The following TSHZ2 variants were observed in gnomAD, a reference collection of about 807,000 sequenced individuals.
The protein encoded by TSHZ2 is teashirt zinc finger homeobox 2, also known as teashirt homolog 2.
A neutral mutation model predicts 74.4 loss-of-function variants in TSHZ2; 21 were observed. That is an observed-to-expected ratio of 0.28 (90% CI 0.20 to 0.41). The LOEUF (loss-of-function observed/expected upper bound fraction) is 0.41. Ranked by LOEUF, TSHZ2 falls within the 10% of genes least tolerant of loss-of-function variation. The probability of loss-of-function intolerance (pLI) is 1.00; values close to 1 mark genes in which losing one functional copy is unlikely to be tolerated. For missense variants in TSHZ2, 1,244 were observed against 1,293.5 expected (o/e 0.96, Z 0.59); for synonymous variants, 540 against 515.3 (o/e 1.05, Z -0.65).
intron 2 of TSHZ2, among the ~76,000 whole-genome samples, chr20:53,266,135 A>T (rs1315083267): frequency 6.6e-6 from 1 of 152,114 alleles, no homozygotes; most frequent in Non-Finnish European, 1.5e-5. Flanking sequence ...CACCAAGGAG[A>T]AACATCTAAC....
rs5841941 is a variant in TSHZ2, at chr20:53,314,287, C to CAA, written c.*8+57729_*8+57730dup. Reference sequence around the variant, plus strand: ...TGGGCAACAGAGCAAGACTCTGTCTCAAAAAAAAAAAAAAGAAAGAAAGAA... The same window carrying CAA: ...TGGGCAACAGAGCAAGACTCTGTCTCAAAAAAAAAAAAAAAAGAAAGAAAGAA... On this transcript the variant is annotated intron_variant, in intron 2 of 2. Coordinates refer to ENST00000371497, the MANE Select transcript of TSHZ2 (RefSeq NM_173485.6). 1.2e-3 allele frequency among the ~76,000 whole-genome samples: 157 copies of CAA among 131,688 alleles called. 2 individuals carry two copies. Among genetic ancestry groups the CAA allele is most frequent in the East Asian group, 4.1e-3 (18 of 4,440 alleles). 86.4% of individuals were successfully genotyped at this position (131,688 alleles called of 152,430 possible). A position where few individuals can be genotyped will look rare whatever the true frequency, so the allele number is the denominator to read the frequency against.
intron 1 of TSHZ2, among the ~76,000 whole-genome samples, chr20:53,156,135 C>T (rs553473144): frequency 2.6e-5 from 4 of 152,274 alleles, no homozygotes; most frequent in East Asian, 1.9e-4. Context: ...GCCAGACCCA[C>T]GTATCCTTTA....
chr20:53,293,756 A>G (rs1203554218), intron 2 of TSHZ2, among the ~76,000 whole-genome samples: 1 of 151,428 alleles, frequency 6.6e-6, no homozygotes, highest in African/African-American at 2.4e-5. Flanking sequence ...GGTGGCTCAC[A>G]CCTGTAATCC....
intron 1 of TSHZ2, among the ~76,000 whole-genome samples, chr20:53,073,440 C>A (rs1985261779): frequency 6.7e-6 from 1 of 149,830 alleles, no homozygotes; most frequent in African/African-American, 2.4e-5. Flanking sequence ...ATCCCTCCAT[C>A]CATCCATCCA....
rs367575275 is a variant in TSHZ2, at chr20:53,188,960, CAG to C, written c.41-64535_41-64534del. ...ATGATTATCCCCATTTTTCAGATGA[CAG>C]AGATGAGGTTGGAGAGAGCTAACAT... On this transcript the variant is annotated intron_variant, in intron 1 of 2. Transcript: ENST00000371497. 7.9e-4 allele frequency among the ~76,000 whole-genome samples: 120 copies of C among 152,236 alleles called. 1 individual carries two copies. The East Asian group carries it at 0.02, about 25-fold the overall frequency.
chr20:53,385,947 C>T (rs558617787), intron 2 of TSHZ2, among the ~76,000 whole-genome samples: 4 of 152,318 alleles, frequency 2.6e-5, no homozygotes, highest in African/African-American at 9.6e-5. Flanking sequence ...TGATGTCCCA[C>T]CTGCCACACC....
At chr20:53,342,536 A>G (rs1292009166) in intron 2 of TSHZ2, among the ~76,000 whole-genome samples, 2 of 152,116 alleles carry the variant, frequency 1.3e-5, no homozygotes, top group African/African-American at 4.8e-5. Context: ...AGTAAGTATT[A>G]TCTTCAGTGC....
At chr20:53,270,029 A>AT (rs199797631) in intron 2 of TSHZ2, among the ~76,000 whole-genome samples, 1,794 of 152,194 alleles carry the variant, frequency 0.012, 43 homozygotes, top group African/African-American at 0.041. Flanking sequence ...AAACTGAGGC[A>AT]TTTTTCAATA....
At position 52,973,344 on chromosome 20, in the gene TSHZ2, C is replaced by G. The variant is rs1355316194; in HGVS notation, c.40+11C>G. The G allele has an allele frequency of 8.4e-6, 13 of 1,551,398 alleles. No individual in the cohort carries two copies. Among genetic ancestry groups the G allele is most frequent in the Non-Finnish European group, 1.0e-5 (12 of 1,146,854 alleles). ...CCAAGCGGGCGGCAGGTAAGAGAAA[C>G]GGCTCCGCTTCGGGGCTGCCCTGTG... On this transcript the variant is annotated intron_variant, in intron 1 of 2. Coordinates refer to ENST00000371497, the MANE Select transcript of TSHZ2 (RefSeq NM_173485.6).
At chr20:53,124,131 T>C (rs1355134466) in intron 1 of TSHZ2, among the ~76,000 whole-genome samples, 2 of 152,198 alleles carry the variant, frequency 1.3e-5, no homozygotes, top group African/African-American at 4.8e-5. Flanking sequence ...GGAAGCAGCA[T>C]GCAGGGAAAT....
intron 1 of TSHZ2, among the ~76,000 whole-genome samples, chr20:53,115,835 G>T (rs1986652927): frequency 6.6e-6 from 1 of 152,098 alleles, no homozygotes; most frequent in African/African-American, 2.4e-5. Context: ...GTGGAAGAAG[G>T]GGAGGCACAT....
chr20:53,239,153 G>A (rs938588805), intron 1 of TSHZ2, among the ~76,000 whole-genome samples: 7 of 152,164 alleles, frequency 4.6e-5, no homozygotes, highest in African/African-American at 1.7e-4. Context: ...CCCACTAGAT[G>A]CCAGTAGCAC....
chr20:53,112,389 A>G (rs1986558010), intron 1 of TSHZ2, among the ~76,000 whole-genome samples: 1 of 152,252 alleles, frequency 6.6e-6, no homozygotes, highest in African/African-American at 2.4e-5. Flanking sequence ...AGTCCATTTT[A>G]ATGCCTCAGT....
chr20:53,056,025 C>T (rs1984628146), intron 1 of TSHZ2, among the ~76,000 whole-genome samples: 1 of 152,188 alleles, frequency 6.6e-6, no homozygotes, highest in African/African-American at 2.4e-5. Flanking sequence ...CACAGTAATG[C>T]TTATCTGAGA....
rs554610300 is a variant in TSHZ2, at chr20:53,289,864, G to A, written c.*8+33293G>A. Among the ~76,000 whole-genome samples the A allele has an allele frequency of 2.6e-5, 4 of 152,298 alleles. No homozygotes were observed. The South Asian group carries it at 8.3e-4, about 32-fold the overall frequency. ...AAATGATTGAAATTTTGCAATGAGTGCAAAAGACTATTAATTATAGCCAGG... is the reference window on the plus strand; with the variant it reads ...AAATGATTGAAATTTTGCAATGAGTACAAAAGACTATTAATTATAGCCAGG... On this transcript the variant is annotated intron_variant, in intron 2 of 2. Coordinates refer to ENST00000371497, the MANE Select transcript of TSHZ2 (RefSeq NM_173485.6).
rs118174658 is a variant in TSHZ2, at chr20:52,979,856, C to T, written c.40+6523C>T. 7.9e-3 allele frequency among the ~76,000 whole-genome samples: 1,206 copies of T among 152,208 alleles called. 11 individuals carry two copies. The highest frequency in any genetic ancestry group is 0.012 in the Non-Finnish European group (820 of 68,012). On this transcript the variant is annotated intron_variant, in intron 1 of 2. Transcript: ENST00000371497. The stretch of plus-strand genomic sequence containing the variant: ...TTAGCTATGCATAACAACAGGAAAA[C>T]GCACAATGCAAAAGTTTTAGAGATA...
rs1989920013 is a variant in TSHZ2 at position 53,235,382 on chromosome 20, C to A, written c.41-18117C>A. Among the ~76,000 whole-genome samples the A allele has an allele frequency of 2.0e-5, 3 of 151,876 alleles. No homozygotes were observed. In the South Asian group the frequency reaches 6.2e-4, roughly 32 times the overall value. ...ACGGGGTTTCACCATGTTGGCCATG[C>A]TGGTCTCAAACTCCTGACCTCATGT... On this transcript the variant is annotated intron_variant, in intron 1 of 2. Coordinates refer to ENST00000371497, the MANE Select transcript of TSHZ2 (RefSeq NM_173485.6).
intron 2 of TSHZ2, among the ~76,000 whole-genome samples, chr20:53,287,164 TACTC>T (rs1424466617): frequency 2.6e-5 from 4 of 152,232 alleles, no homozygotes; most frequent in African/African-American, 7.2e-5. Context: ...TTATTTAACA[TACTC>T]AATATACTGA....
In TSHZ2 at chr20:53,119,164, C is replaced by T. The variant is rs115971090; in HGVS notation, c.41-134335C>T. On this transcript the variant is annotated intron_variant, in intron 1 of 2. Coordinates refer to ENST00000371497, the MANE Select transcript of TSHZ2 (RefSeq NM_173485.6). ...AATTTCCTAGGGACACAGATCCAAA[C>T]CCTTTCAGTGAGGTATTCATCGAGT... Among the ~76,000 whole-genome samples the T allele has an allele frequency of 4.0e-3, 607 of 152,270 alleles. 2 individuals are homozygous for T. Among genetic ancestry groups the T allele is most frequent in the African/African-American group, 0.014 (575 of 41,542 alleles).
Sources: gnomAD v4.1 joint callset for allele counts (sites outside exome capture counted in the v4.1 genomes callset) on GRCh38, gnomAD v4.1.1 for gene constraint, MANE v1.5 for transcripts, NCBI Gene and HGNC (gene_info 2026-07-23, HGNC 2026-07-21) for gene names.